The following SHQ1 variants were observed in gnomAD, a reference collection of about 807,000 sequenced individuals.
The protein encoded by SHQ1 is SHQ1, H/ACA ribonucleoprotein assembly factor, also known as protein SHQ1 homolog.
SHQ1 carries 49 observed loss-of-function variants against 53.8 expected under a neutral mutation model. The ratio of observed to expected loss-of-function variants is 0.91; its 90% CI spans 0.72 to 1.16. The LOEUF is 1.16. Ranked by LOEUF, SHQ1 falls within the 50% of genes most tolerant of loss-of-function variation. SHQ1 has a pLI of 0.00. For missense variants in SHQ1, 738 were observed against 683.1 expected (o/e 1.08, Z -0.90); for synonymous variants, 243 against 251.0 (o/e 0.97, Z 0.30).
chr3:72,841,843 G>A (rs980109172), intron 3 of SHQ1, among the ~76,000 whole-genome samples: 1 of 152,152 alleles, frequency 6.6e-6, no homozygotes, highest in African/African-American at 2.4e-5. Context: ...ATGCTCCTAT[G>A]AGAATCTAAT....
At chr3:72,751,849 C>T (rs1705391498) in intron 10 of SHQ1, among the ~76,000 whole-genome samples, 1 of 152,046 alleles carries the variant, frequency 6.6e-6, no homozygotes, top group Admixed American at 6.6e-5. Flanking sequence ...TGAAGGAGAA[C>T]TTGGCAATAA....
chr3:72,801,960 G>C (rs1238337877), intron 9 of SHQ1, among the ~76,000 whole-genome samples: 1 of 152,168 alleles, frequency 6.6e-6, no homozygotes, highest in Non-Finnish European at 1.5e-5. Flanking sequence ...AATCCCAACA[G>C]TTCCACTGTG....
At chr3:72,741,950 A>G in the SHQ1 span, among the ~76,000 whole-genome samples, 1 of 152,218 alleles carries the variant, frequency 6.6e-6, no homozygotes, top group Non-Finnish European at 1.5e-5. Flanking sequence ...TAGGTTATAC[A>G]CAACTATTAT....
downstream of SHQ1, among the ~76,000 whole-genome samples, chr3:72,748,940 G>GTT (rs1248644063): frequency 6.7e-6 from 1 of 150,184 alleles, no homozygotes; most frequent in Non-Finnish European, 1.5e-5. Flanking sequence ...GGGAGACAGC[G>GTT]TAAGACCCTG....
chr3:72,842,429 A>C, intron 2 of SHQ1, 27 bp from the exon 3 acceptor site: 1 of 1,605,226 alleles, frequency 6.2e-7, no homozygotes, highest in Non-Finnish European at 8.5e-7. Flanking sequence ...TTTTATGCTT[A>C]GATTAAAATA....
chr3:72,754,571 G>A (rs182556954), intron 10 of SHQ1, among the ~76,000 whole-genome samples: 12 of 152,170 alleles, frequency 7.9e-5, no homozygotes, highest in Admixed American at 7.2e-4. Flanking sequence ...AGTAGAGACA[G>A]GGTTTTTCCA....
At chr3:72,734,850 A>C in the SHQ1 span, among the ~76,000 whole-genome samples, 1 of 151,618 alleles carries the variant, frequency 6.6e-6, no homozygotes, top group Non-Finnish European at 1.5e-5. Context: ...TTACGACACA[A>C]GTAAGAGGAA....
At chr3:72,738,734 T>C in the SHQ1 span, among the ~76,000 whole-genome samples, 1 of 152,146 alleles carries the variant, frequency 6.6e-6, no homozygotes, top group Non-Finnish European at 1.5e-5. Context: ...CTGGAACAGC[T>C]TCTTACAATT....
chr3:72,734,892 T>C, the SHQ1 span, among the ~76,000 whole-genome samples: 1 of 151,556 alleles, frequency 6.6e-6, no homozygotes, highest in Admixed American at 6.6e-5. Flanking sequence ...CCTGATCCCC[T>C]CATCCTAGAG....
At chr3:72,793,939 T>A (rs1052860649) in intron 9 of SHQ1, 1 of 152,234 alleles carries the variant, frequency 6.6e-6, no homozygotes, top group Non-Finnish European at 1.5e-5. Flanking sequence ...GGTTTTTAAA[T>A]GAACCTAGTT....
At chr3:72,780,670 T>C (rs1324994493) in intron 10 of SHQ1, among the ~76,000 whole-genome samples, 2 of 152,210 alleles carry the variant, frequency 1.3e-5, no homozygotes, top group East Asian at 3.8e-4. Flanking sequence ...GTTTATAGGA[T>C]ACATACACAC....
chr3:72,816,129 A>G (rs1707309123), intron 7 of SHQ1, among the ~76,000 whole-genome samples: 1 of 152,206 alleles, frequency 6.6e-6, no homozygotes, highest in Non-Finnish European at 1.5e-5. Context: ...GAGGCACCCT[A>G]GAAATTTTCA....
chr3:72,832,671 C>T (rs1233614199), intron 4 of SHQ1, among the ~76,000 whole-genome samples, 190 bp from the exon 5 acceptor site: 1 of 152,196 alleles, frequency 6.6e-6, no homozygotes, highest in Non-Finnish European at 1.5e-5. Flanking sequence ...CCTGTGAGAT[C>T]TTTCTCATAA....
Position 72,749,634 on chromosome 3 carries a change from AC to A in SHQ1, c.*649del. The A allele has an allele frequency of 4.6e-6, 1 of 218,312 alleles. No individual in the cohort carries two copies. Among genetic ancestry groups the A allele is most frequent in the Non-Finnish European group, 9.2e-6 (1 of 108,574 alleles). The allele number at this position is 218,312 out of a possible 1,614,324, so 13.5% of individuals were successfully genotyped here. On this transcript the variant is annotated 3_prime_UTR_variant, in exon 11 of 11. Transcript: ENST00000325599. Reference sequence around the variant, plus strand: ...GGGTATACATACGCCAACACATTGTACACTTTTGATACGTGCAGTTTATTGG... The same window carrying A: ...GGGTATACATACGCCAACACATTGTAACTTTTGATACGTGCAGTTTATTGG...
At chr3:72,811,112 G>C (rs1459367047) in intron 9 of SHQ1, among the ~76,000 whole-genome samples, 1 of 152,128 alleles carries the variant, frequency 6.6e-6, no homozygotes, top group Non-Finnish European at 1.5e-5. Flanking sequence ...CTTTTCCAAT[G>C]AAAGTCAAAA....
chr3:72,788,301 T>C (rs561662377), intron 10 of SHQ1, among the ~76,000 whole-genome samples: 65 of 150,126 alleles, frequency 4.3e-4, no homozygotes, highest in Middle Eastern at 7.3e-3. Flanking sequence ...GTCTGGGAAG[T>C]GAGGAGCGCC....
intron 9 of SHQ1, among the ~76,000 whole-genome samples, chr3:72,798,542 C>T (rs761073247): frequency 2.6e-5 from 4 of 152,140 alleles, no homozygotes; most frequent in Admixed American, 6.5e-5. Flanking sequence ...AACATATTCC[C>T]CAGCTTTCCT....
At chr3:72,843,948 C>G (rs191918330) in intron 2 of SHQ1, among the ~76,000 whole-genome samples, 82 of 152,294 alleles carry the variant, frequency 5.4e-4, no homozygotes, top group African/African-American at 2.0e-3. Flanking sequence ...TTAAATGCCA[C>G]CCATGCATAG....
At chr3:72,787,452 C>T (rs1322599384) in intron 10 of SHQ1, among the ~76,000 whole-genome samples, 3 of 151,884 alleles carry the variant, frequency 2.0e-5, no homozygotes, top group Non-Finnish European at 4.4e-5. Flanking sequence ...AAAAGAACAC[C>T]GTTCTTGATC....
Sources: allele counts gnomAD v4.1 joint callset (sites outside exome capture counted in the v4.1 genomes callset), GRCh38; gene constraint gnomAD v4.1.1; transcripts MANE v1.5; gene names NCBI Gene and HGNC (gene_info 2026-07-23, HGNC 2026-07-21).